The following EP400 variants were observed in gnomAD, a reference collection of about 807,000 sequenced individuals.
The protein encoded by EP400 is E1A binding protein p400, also known as E1A-binding protein p400.
Under a neutral mutation model 354.1 loss-of-function variants are expected in EP400, and 105 were observed. That is an observed-to-expected ratio of 0.30 (90% confidence interval 0.25 to 0.35). The LOEUF is 0.35. Among genes scored for constraint, EP400 ranks in the 10% least tolerant of loss-of-function variants. EP400 has a pLI of 1.00. For missense variants in EP400, 3,280 were observed against 4,121.0 expected (o/e 0.80, Z 5.59); for synonymous variants, 1,646 against 1,716.9 (o/e 0.96, Z 1.02).
chr12:132,036,959 T>C (rs1894739457), intron 30 of EP400, among the ~76,000 whole-genome samples: 2 of 152,190 alleles, frequency 1.3e-5, no homozygotes, highest in Admixed American at 6.5e-5. Context: ...TCCTTTTAAT[T>C]TGGAATTTTC....
chr12:132,059,785 G>T (rs1895627716), intron 45 of EP400, among the ~76,000 whole-genome samples: 1 of 152,040 alleles, frequency 6.6e-6, no homozygotes, highest in Non-Finnish European at 1.5e-5. Flanking sequence ...GGAGGCCAAG[G>T]CGGGCGGATC....
chr12:132,050,556 T>G lies in EP400; in HGVS notation c.7338-43T>G, dbSNP rs778731237. 6.2e-7 allele frequency: 1 copy of G among 1,613,734 alleles called. No homozygotes were observed. Reference sequence around the variant, plus strand: ...TTTTTAACATACCCTTCTTCAGATATTTCCTTTATTTAATAATTGCTGTCT... The same window carrying G: ...TTTTTAACATACCCTTCTTCAGATAGTTCCTTTATTTAATAATTGCTGTCT... On this transcript the variant is annotated intron_variant, in intron 40 of 52. Transcript: ENST00000389561. This position sits in a 1 kb window ranked among gnomAD's most constrained non-coding sequence, Gnocchi z 4.8.
chr12:131,985,797 G>A (rs1369364653), intron 5 of EP400, among the ~76,000 whole-genome samples: 2 of 152,016 alleles, frequency 1.3e-5, no homozygotes, highest in Non-Finnish European at 2.9e-5. Context: ...TAGTAGAGAC[G>A]AGGTTTCTCC....
intron 34 of EP400, 149 bp downstream of exon 34, chr12:132,043,877 G>C (rs1002603165): frequency 9.5e-6 from 8 of 841,428 alleles, no homozygotes; most frequent in Non-Finnish European, 9.2e-6. Flanking sequence ...AGAGAGTCTC[G>C]AGAAGCCCGT....
chr12:132,044,231 C>A lies in EP400; in HGVS notation c.6505C>A (p.Gln2169Lys), dbSNP rs1474205490. 1 of 1,614,244 alleles carries A rather than the reference C, an allele frequency of 6.2e-7. No individual in the cohort carries two copies. Among genetic ancestry groups the A allele is most frequent in the South Asian group, 1.1e-5 (1 of 91,090 alleles). The change falls in exon 35 of 53, where the codon CAG (glutamine) becomes AAG (lysine). Residue 2169 changes from glutamine (Q) to lysine (K), a missense_variant. This residue lies in a region of EP400 where 231 missense variants were observed against 257.9 expected (regional missense o/e 0.90). Coordinates refer to ENST00000389561, the MANE Select transcript of EP400 (RefSeq NM_015409.5). ...GGAGTTCTGGAACCTGAAGACCCTGCAGGAGAGGGAGGCCCGGCTGCGGCT... is the reference window on the plus strand; with the variant it reads ...GGAGTTCTGGAACCTGAAGACCCTGAAGGAGAGGGAGGCCCGGCTGCGGCT... ...AWEFWNLKTLQEREARLRLEQ... is the reference protein window; with the variant it reads ...AWEFWNLKTLKEREARLRLEQ...
At chr12:132,033,856 G>T (rs1894606473) in intron 30 of EP400, among the ~76,000 whole-genome samples, 1 of 152,188 alleles carries the variant, frequency 6.6e-6, no homozygotes, top group African/African-American at 2.4e-5. Context: ...TAACAAGATG[G>T]TTGGTGTCAT....
At chr12:132,071,193 G>A (rs1457964289) in intron 51 of EP400, among the ~76,000 whole-genome samples, 2 of 151,648 alleles carry the variant, frequency 1.3e-5, no homozygotes, top group East Asian at 1.9e-4. Context: ...TTGTTACGGT[G>A]CTTTTTGTCT....
chr12:132,077,516 A>C lies in EP400; in HGVS notation c.9215A>C (p.Gln3072Pro). The change falls in exon 53 of 53, where the codon CAG becomes CCG. Residue 3072 changes from glutamine to proline, a missense_variant. This residue lies in a region of EP400 where 279 missense variants were observed against 386.7 expected (regional missense o/e 0.72). Transcript: ENST00000389561. ...GTTCAGCAGAAACTCATTCAGCAGC[A>C]GGTGGTGACCACGGCGTCGGCCCCG... ...QVVQQKLIQQ[Q>P]VVTTASAPLQ... The C allele has an allele frequency of 1.2e-6, 2 of 1,613,866 alleles. No individual in the cohort carries two copies. Among genetic ancestry groups the C allele is most frequent in the Non-Finnish European group, 1.7e-6 (2 of 1,180,020 alleles).
rs1892983541 is a variant in EP400 at position 131,990,140 on chromosome 12, A to C, written c.2550+36A>C. ...CCGTTGTCATGGGGTCGTAAGAATC[A>C]GTCTGTCGGAGCTGGTGAGGCCACT... is the stretch of plus-strand genomic sequence containing the variant. On this transcript the variant is annotated intron_variant, in intron 8 of 52. Transcript: ENST00000389561. This position sits in a 1 kb window ranked among gnomAD's most constrained non-coding sequence, Gnocchi z 4.2. 2 of 1,576,486 alleles carry C rather than the reference A, an allele frequency of 1.3e-6. No individual in the cohort carries two copies. The highest frequency in any genetic ancestry group is 2.3e-5 in the East Asian group (1 of 44,348).
rs576653555 is a variant in EP400 at position 132,052,550 on chromosome 12, T to A, written c.7395-596T>A. ...TGCTGTTTTCCTCCATAGCAGCCAG[T>A]ACGTCTTCAGACCCACTGCACATTT... is the stretch of plus-strand genomic sequence containing the variant. On this transcript the variant is annotated intron_variant, in intron 41 of 52. Coordinates refer to ENST00000389561, the MANE Select transcript of EP400 (RefSeq NM_015409.5). The surrounding 1 kb of genome is among the most constrained non-coding windows in gnomAD (Gnocchi z 4.4). Among the ~76,000 whole-genome samples, 13 of 152,378 alleles carry A rather than the reference T, an allele frequency of 8.5e-5. No homozygotes were observed. In the South Asian group the frequency reaches 2.7e-3, roughly 32 times the overall value.
intron 2 of EP400, among the ~76,000 whole-genome samples, chr12:131,966,562 C>CAA (rs534384776): frequency 2.1e-3 from 118 of 57,156 alleles, no homozygotes; most frequent in East Asian, 5.3e-3. Context: ...TACCCTACCT[C>CAA]AAAAAAAAAA....
In EP400 at chr12:132,043,491, A is replaced by T. The variant is rs371508416; in HGVS notation, c.6366+29A>T. ...TGGGCATGTTTTCCTTTACAACTAC[A>T]TATTTTAAAAATTTGACGCTTCTAT... On this transcript the variant is annotated intron_variant, in intron 33 of 52. Coordinates refer to ENST00000389561, the MANE Select transcript of EP400 (RefSeq NM_015409.5). 5 of 1,599,630 alleles carry T rather than the reference A, an allele frequency of 3.1e-6. No individual in the cohort carries two copies. In the African/African-American group the frequency reaches 6.8e-5, roughly 22 times the overall value.
chr12:132,055,122 G>C lies in EP400; in HGVS notation c.7798G>C (p.Val2600Leu). The C allele has an allele frequency of 6.2e-7, 1 of 1,613,252 alleles. No individual in the cohort carries two copies. Among genetic ancestry groups the C allele is most frequent in the Non-Finnish European group, 8.5e-7 (1 of 1,179,564 alleles). Residue 2600 changes from valine (V) to leucine (L), a missense_variant, in exon 45 of 53, where the codon GTG becomes CTG. Coordinates refer to ENST00000389561, the MANE Select transcript of EP400 (RefSeq NM_015409.5). ...AGGTGCCGTGAGTGGAAATGTGATC[G>C]TGAACACCATCGCAGGGGTCCCAGC... ...PTGAVSGNVI[V>L]NTIAGVPAAT... is the part of the protein sequence containing the mutation.
chr12:131,950,248 C>T (rs1023454751), intron 1 of EP400, among the ~76,000 whole-genome samples: 6 of 152,008 alleles, frequency 3.9e-5, no homozygotes, highest in African/African-American at 1.4e-4. Context: ...TCTTTCGAGT[C>T]GTAGCGCCCG....
intron 15 of EP400, 52 bp downstream of exon 15, chr12:132,006,929 T>G (rs1187120415): frequency 8.1e-6 from 13 of 1,598,962 alleles, no homozygotes; most frequent in Non-Finnish European, 1.1e-5. Flanking sequence ...GACTTACCTA[T>G]AGGCCAGTGT....
At position 132,013,568 on chromosome 12, in the gene EP400, C is replaced by G. The variant is rs777626275; in HGVS notation, c.3690C>G (p.Val1230=). Residue 1230 remains valine (V), a synonymous_variant, in exon 18 of 53, where the codon GTC becomes GTG. Coordinates refer to ENST00000389561, the MANE Select transcript of EP400 (RefSeq NM_015409.5). This position sits in a 1 kb window ranked among gnomAD's most constrained non-coding sequence, Gnocchi z 4.5. ...LELWTMVHFL[V]PGISRPYLSS... is the part of the protein sequence containing the mutation. ...TCTGGACCATGGTGCACTTCCTGGT[C>G]CCAGGGATCTCCAGGCCCTACCTGA... is the stretch of plus-strand genomic sequence containing the variant. 6.2e-7 allele frequency: 1 copy of G among 1,613,680 alleles called. No homozygotes were observed. The highest frequency in any genetic ancestry group is 8.5e-7 in the Non-Finnish European group (1 of 1,179,836).
Position 132,067,149 on chromosome 12 carries a change from T to C in EP400, c.8749+180T>C, listed in dbSNP as rs996132231. 6 of 1,122,782 alleles carry C rather than the reference T, an allele frequency of 5.3e-6. No individual in the cohort carries two copies. The highest frequency in any genetic ancestry group is 7.4e-6 in the Non-Finnish European group (6 of 809,696). The allele number at this position is 1,122,782 out of a possible 1,614,324, so 69.6% of individuals were successfully genotyped here. A position where few individuals can be genotyped will look rare whatever the true frequency, so the allele number is the denominator to read the frequency against. On this transcript the variant is annotated intron_variant, in intron 49 of 52. Transcript: ENST00000389561. This position sits in a 1 kb window ranked among gnomAD's most constrained non-coding sequence, Gnocchi z 5.3. ...TCCAGGCGCAAGGCTGGGTCCTCAA[T>C]TGAACTGTTAACATTCTGAAATTTC...
At position 131,960,633 on chromosome 12, in the gene EP400, C is replaced by G. The variant is rs1891846569; in HGVS notation, c.14C>G (p.Thr5Ser). 1.9e-6 allele frequency: 3 copies of G among 1,590,106 alleles called. No individual in the cohort carries two copies. Among genetic ancestry groups the G allele is most frequent in the Non-Finnish European group, 2.6e-6 (3 of 1,169,100 alleles). The change falls in exon 2 of 53, where the codon ACT (threonine) becomes AGT (serine). Residue 5 changes from threonine (T) to serine (S), a missense_variant. Transcript: ENST00000389561. ...AGGGAGGTGATCATGCACCATGGCA[C>G]TGGCCCCCAGAACGTCCAGCATCAG... is the stretch of plus-strand genomic sequence containing the variant. Reference protein sequence around the residue: MHHGTGPQNVQHQLQ... With the variant: MHHGSGPQNVQHQLQ...
At chr12:132,022,234 T>G (rs1452893190) in intron 23 of EP400, among the ~76,000 whole-genome samples, 3 of 152,240 alleles carry the variant, frequency 2.0e-5, no homozygotes, top group African/African-American at 7.2e-5. Flanking sequence ...GAGAGTCATG[T>G]TGGTGGTTGC....
Sources: allele counts gnomAD v4.1 joint callset (sites outside exome capture counted in the v4.1 genomes callset), GRCh38; gene constraint gnomAD v4.1.1; regional missense constraint gnomAD v4.1.1; non-coding constraint Gnocchi (gnomAD v3.1); transcripts MANE v1.5; gene names NCBI Gene and HGNC (gene_info 2026-07-23, HGNC 2026-07-21).